Variants in PLCB4 observed in about 807,000 individuals in gnomAD.
The protein encoded by PLCB4 is 1-phosphatidylinositol 4,5-bisphosphate phosphodiesterase beta-4.
PLCB4 carries 77 observed loss-of-function variants against 178.8 expected under a neutral mutation model. That is an observed-to-expected ratio of 0.43 (90% confidence interval 0.36 to 0.52). PLCB4 has a LOEUF of 0.52. Ranked by LOEUF, PLCB4 falls within the 20% of genes least tolerant of loss-of-function variation. The pLI is 0.00. For missense variants in PLCB4, 1,024 were observed against 1,453.4 expected (o/e 0.70, Z 4.80); for synonymous variants, 496 against 490.8 (o/e 1.01, Z -0.14).
At position 9,085,067 on chromosome 20, in the gene PLCB4, A is replaced by AAG. The variant is rs1555813544; in HGVS notation, c.-134-11218_-134-11217dup. Among the ~76,000 whole-genome samples, 14 of 143,390 alleles carry AAG rather than the reference A, an allele frequency of 9.8e-5. 2 individuals are homozygous for AAG. Among genetic ancestry groups the AAG allele is most frequent in the Middle Eastern group, 3.4e-3 (1 of 296 alleles). The allele number at this position is 143,390 out of a possible 152,430, so 94.1% of individuals were successfully genotyped here. A position where few individuals can be genotyped will look rare whatever the true frequency, so the allele number is the denominator to read the frequency against. On this transcript the variant is annotated intron_variant, in intron 1 of 39. Coordinates refer to ENST00000378473, the MANE Select transcript of PLCB4 (RefSeq NM_001377142.1). ...GACTCCATCTCAAAAAAAAAAAAAA[A>AAG]AGAATATATTACTTTTTCTTTTTCC... is the stretch of plus-strand genomic sequence containing the variant.
chr20:9,189,464 C>A (rs983244374), intron 2 of PLCB4, among the ~76,000 whole-genome samples: 1 of 144,474 alleles, frequency 6.9e-6, no homozygotes, highest in African/African-American at 2.6e-5. Flanking sequence ...GTTAATTGTT[C>A]ATTGTGGAGG....
intron 9 of PLCB4, 145 bp from the exon 10 acceptor site, chr20:9,371,069 G>GA: frequency 1.6e-6 from 1 of 628,672 alleles, no homozygotes. Flanking sequence ...TTTGGGAAAT[G>GA]AAAAACATCT....
At chr20:9,356,964 A>G (rs2034887036) in intron 7 of PLCB4, among the ~76,000 whole-genome samples, 1 of 152,006 alleles carries the variant, frequency 6.6e-6, no homozygotes, top group African/African-American at 2.4e-5. Flanking sequence ...AAAAATACCA[A>G]AATTGGCTGG....
intron 1 of PLCB4, among the ~76,000 whole-genome samples, chr20:9,086,644 T>A (rs554074408): frequency 6.6e-6 from 1 of 152,240 alleles, no homozygotes; most frequent in South Asian, 2.1e-4. Context: ...TTCTACCCCT[T>A]CCATGTGGTC....
At chr20:9,441,611 T>G (rs1249165034) in intron 30 of PLCB4, among the ~76,000 whole-genome samples, 1 of 152,132 alleles carries the variant, frequency 6.6e-6, no homozygotes, top group Non-Finnish European at 1.5e-5. Context: ...GGAGAAACTC[T>G]GGGGGCTGGT....
At chr20:9,432,499 A>G (rs1381136414) in intron 28 of PLCB4, among the ~76,000 whole-genome samples, 6 of 152,208 alleles carry the variant, frequency 3.9e-5, no homozygotes, top group African/African-American at 1.4e-4. Flanking sequence ...TTGGCAAAAC[A>G]TATCTGAAGT....
At position 9,159,556 on chromosome 20, in the gene PLCB4, A is replaced by G. The variant is rs144022705; in HGVS notation, c.-78-57834A>G. ...CATACTTAAGACTCATCAGTTGAAC[A>G]ATAAGTTAATCTGCATCTGAAGGTT... On this transcript the variant is annotated intron_variant, in intron 2 of 39. Transcript: ENST00000378473. 4.4e-4 allele frequency among the ~76,000 whole-genome samples: 67 copies of G among 152,326 alleles called. 1 individual carries two copies. The highest frequency in any genetic ancestry group is 6.8e-3 in the Middle Eastern group (2 of 294).
chr20:9,314,893 C>T (rs1333870578), intron 4 of PLCB4, among the ~76,000 whole-genome samples: 32 of 147,966 alleles, frequency 2.2e-4, no homozygotes, highest in Non-Finnish European at 2.2e-4. Context: ...TTTTTTGAGA[C>T]GGAATTTCGT....
chr20:9,258,051 T>C (rs532484145), intron 3 of PLCB4, among the ~76,000 whole-genome samples: 12 of 151,970 alleles, frequency 7.9e-5, no homozygotes, highest in Non-Finnish European at 1.5e-4. Context: ...GTGGAGACAT[T>C]AGAGAATCAT....
At chr20:9,436,965 A>G in intron 29 of PLCB4, 37 bp from the exon 30 acceptor site, 1 of 1,602,128 alleles carries the variant, frequency 6.2e-7, no homozygotes, top group Non-Finnish European at 8.5e-7. Context: ...ACCTTGAGTG[A>G]CATTCATTTG....
chr20:9,186,894 G>A (rs193097395), intron 2 of PLCB4, among the ~76,000 whole-genome samples: 82 of 152,170 alleles, frequency 5.4e-4, no homozygotes, highest in Admixed American at 3.3e-3. Context: ...TGCCTCAGAC[G>A]CTGAGACCTC....
At chr20:9,075,143 A>T (rs929748264) in intron 1 of PLCB4, among the ~76,000 whole-genome samples, 3 of 152,174 alleles carry the variant, frequency 2.0e-5, no homozygotes, top group Admixed American at 2.0e-4. Context: ...GAGATGTTAA[A>T]TTAATCATCC....
At chr20:9,398,689 G>GTATTATTATTATTATTAT (rs11469240) in intron 19 of PLCB4, among the ~76,000 whole-genome samples, 6,136 of 150,228 alleles carry the variant, frequency 0.041, 419 homozygotes, top group African/African-American at 0.14. Context: ...GATGAAATGG[G>GTATTATTATTATTATTAT]TATTATTATT....
At chr20:9,323,456 A>G (rs753860551) in intron 4 of PLCB4, among the ~76,000 whole-genome samples, 1 of 152,226 alleles carries the variant, frequency 6.6e-6, no homozygotes, top group South Asian at 2.1e-4. Context: ...CCAGGGAATT[A>G]ATTCATCACT....
At chr20:9,279,302 C>T (rs1032102506) in intron 3 of PLCB4, among the ~76,000 whole-genome samples, 3 of 152,020 alleles carry the variant, frequency 2.0e-5, no homozygotes, top group Admixed American at 1.3e-4. Flanking sequence ...TCTCATGCAG[C>T]TGAAACTTCT....
intron 4 of PLCB4, among the ~76,000 whole-genome samples, chr20:9,310,419 TA>T (rs1185256289): frequency 6.6e-6 from 1 of 152,130 alleles, no homozygotes; most frequent in Non-Finnish European, 1.5e-5. Context: ...TGTATTTGTT[TA>T]AAGAAAGCAG....
intron 11 of PLCB4, among the ~76,000 whole-genome samples, chr20:9,372,615 C>T (rs1345575096): frequency 6.6e-6 from 1 of 151,850 alleles, no homozygotes; most frequent in African/African-American, 2.4e-5. Context: ...GCACCTGGAA[C>T]TTTTTTTTGC....
intron 3 of PLCB4, among the ~76,000 whole-genome samples, chr20:9,270,522 A>T (rs1263306674): frequency 6.6e-6 from 1 of 152,134 alleles, no homozygotes; most frequent in Non-Finnish European, 1.5e-5. Flanking sequence ...TTTATTGCTG[A>T]TCAGTATTCC....
intron 3 of PLCB4, among the ~76,000 whole-genome samples, chr20:9,302,854 CTT>C (rs796654636): frequency 1.4e-5 from 2 of 145,790 alleles, no homozygotes; most frequent in African/African-American, 5.0e-5. Flanking sequence ...CTGTAAAAAG[CTT>C]TTTTTTTTTA....
Sources: gnomAD v4.1 joint callset for allele counts (sites outside exome capture counted in the v4.1 genomes callset) on GRCh38, gnomAD v4.1.1 for gene constraint, MANE v1.5 for transcripts, NCBI Gene and HGNC (gene_info 2026-07-23, HGNC 2026-07-21) for gene names.